The following TMEM131 variants were observed in gnomAD, a reference collection of about 807,000 sequenced individuals.
TMEM131 encodes 2610524E03Rik.
A neutral mutation model predicts 211.6 loss-of-function variants in TMEM131; 66 were observed. The observed-to-expected ratio is 0.31, with a 90% confidence interval of 0.26 to 0.38. The LOEUF is 0.38. TMEM131 is among the 10% of genes least tolerant of loss of function. TMEM131 has a pLI of 1.00. For missense variants in TMEM131, 2,036 were observed against 2,299.3 expected, an observed-to-expected ratio of 0.89 and a Z score of 2.34; for synonymous variants, 844 against 841.3, an observed-to-expected ratio of 1.00 and a Z score of -0.06.
chr2:97,960,324 T>C (rs1374553152), intron 1 of TMEM131, among the ~76,000 whole-genome samples: 1 of 152,232 alleles, frequency 6.6e-6, no homozygotes, highest in African/African-American at 2.4e-5. Context: ...AGGCATTCTT[T>C]GGTAATGTCA....
chr2:97,799,630 T>G (rs1182341769), intron 25 of TMEM131, among the ~76,000 whole-genome samples: 2 of 152,232 alleles, frequency 1.3e-5, no homozygotes, highest in Non-Finnish European at 2.9e-5. Context: ...TTCCCAATAC[T>G]TCAAGAGTTT....
intron 4 of TMEM131, among the ~76,000 whole-genome samples, chr2:97,870,558 A>T (rs1001169257): frequency 6.6e-6 from 1 of 152,170 alleles, no homozygotes; most frequent in African/African-American, 2.4e-5. Flanking sequence ...GAATAGTCTG[A>T]GGCTCAAAAG....
chr2:97,973,033 G>A (rs546975282), intron 1 of TMEM131, among the ~76,000 whole-genome samples: 22 of 152,180 alleles, frequency 1.4e-4, no homozygotes, highest in Non-Finnish European at 2.4e-4. Context: ...CACTACATAC[G>A]GACTTCTGAT....
At position 97,827,134 on chromosome 2, in the gene TMEM131, TA is replaced by T. The variant is rs1682431552; in HGVS notation, c.1074+6230del. 5.9e-6 allele frequency: 3 copies of T among 507,344 alleles called. No individual in the cohort carries two copies. In the Admixed American group the frequency reaches 1.1e-4, roughly 18 times the overall value. The allele number at this position is 507,344 out of a possible 1,614,324, so 31.4% of individuals were successfully genotyped here. On this transcript the variant is annotated intron_variant, in intron 11 of 40. Transcript: ENST00000186436. ...TACAAGGTTTTCAACAAAAGTTTGCTAAAAGTTAACAGTGTTGGGGAGGAGT... is the reference window on the plus strand; with the variant it reads ...TACAAGGTTTTCAACAAAAGTTTGCTAAAGTTAACAGTGTTGGGGAGGAGT...
At chr2:97,853,969 C>G (rs1446795096) in intron 5 of TMEM131, among the ~76,000 whole-genome samples, 1 of 152,158 alleles carries the variant, frequency 6.6e-6, no homozygotes, top group African/African-American at 2.4e-5. Context: ...AACTTAGAGG[C>G]AGGGTTTGAA....
chr2:97,857,829 C>T (rs1673909258), intron 5 of TMEM131, among the ~76,000 whole-genome samples: 1 of 152,122 alleles, frequency 6.6e-6, no homozygotes, highest in African/African-American at 2.4e-5. Context: ...ATACACAGGT[C>T]TCTCACAGCA....
chr2:97,880,782 G>A (rs1360519885), intron 4 of TMEM131, among the ~76,000 whole-genome samples: 1 of 152,154 alleles, frequency 6.6e-6, no homozygotes, highest in Non-Finnish European at 1.5e-5. Context: ...CGCAGAGTTG[G>A]TTGAAATGAG....
Position 97,885,203 on chromosome 2 carries a change from G to A in TMEM131, c.359+2849C>T, listed in dbSNP as rs539613905. 1.2e-3 allele frequency among the ~76,000 whole-genome samples: 186 copies of A among 152,230 alleles called. 1 individual carries two copies. Among genetic ancestry groups the A allele is most frequent in the South Asian group, 1.7e-3 (8 of 4,818 alleles). The stretch of plus-strand genomic sequence containing the variant: ...CCTTCATTTCTCCTTGTTTGTGAAA[G>A]ATTTTTTTTTTTGAGACGGAGTCTC... On this transcript the variant is annotated intron_variant, in intron 4 of 40. Coordinates refer to ENST00000186436, the MANE Select transcript of TMEM131 (RefSeq NM_015348.2).
At chr2:97,978,709 T>C (rs533692090) in intron 1 of TMEM131, among the ~76,000 whole-genome samples, 19 of 152,312 alleles carry the variant, frequency 1.2e-4, no homozygotes, top group African/African-American at 4.6e-4. Flanking sequence ...TTCCACTGTA[T>C]CTGCAGTCAC....
intron 2 of TMEM131, among the ~76,000 whole-genome samples, chr2:97,914,424 T>C (rs1676422412): frequency 2.0e-5 from 3 of 152,258 alleles, no homozygotes; most frequent in Non-Finnish European, 2.9e-5. Context: ...ATGTATTTAG[T>C]TCTACACAAT....
chr2:97,934,155 A>C (rs900330246), intron 1 of TMEM131, among the ~76,000 whole-genome samples: 5 of 152,240 alleles, frequency 3.3e-5, no homozygotes, highest in African/African-American at 1.2e-4. Flanking sequence ...AAAGGTAATA[A>C]GTACATATAG....
chr2:97,890,260 C>A (rs1313170198), intron 3 of TMEM131, among the ~76,000 whole-genome samples: 2 of 152,144 alleles, frequency 1.3e-5, no homozygotes, highest in African/African-American at 4.8e-5. Flanking sequence ...CAAGGAAGTT[C>A]CTGTAGGAGC....
intron 12 of TMEM131, among the ~76,000 whole-genome samples, chr2:97,815,550 G>A (rs899586617): frequency 2.0e-5 from 3 of 152,166 alleles, no homozygotes; most frequent in Non-Finnish European, 4.4e-5. Flanking sequence ...TGGTTCAGGA[G>A]GTAAAACACT....
At position 97,775,926 on chromosome 2, in the gene TMEM131, G is replaced by A; in HGVS notation, c.4237C>T (p.Leu1413=). Residue 1413 remains leucine (L), a synonymous_variant, in exon 32 of 41, where the codon CTG becomes TTG. Transcript: ENST00000186436. Reference sequence around the variant, plus strand: ...TCATCATCAGCCAAAGAGTCCTTCAGCTCATCTTCCTGTGGCTTTCCCTTT... The same window carrying A: ...TCATCATCAGCCAAAGAGTCCTTCAACTCATCTTCCTGTGGCTTTCCCTTT... The part of the protein sequence containing the change: ...KGKGKPQEDE[L]KDSLADDDSS... 6.2e-7 allele frequency: 1 copy of A among 1,613,992 alleles called. No homozygotes were observed. The highest frequency in any genetic ancestry group is 8.5e-7 in the Non-Finnish European group (1 of 1,179,884).
At chr2:97,964,079 C>T (rs1000458205) in intron 1 of TMEM131, among the ~76,000 whole-genome samples, 18 of 152,194 alleles carry the variant, frequency 1.2e-4, no homozygotes, top group African/African-American at 4.1e-4. Flanking sequence ...CAAGCATTCA[C>T]ATTCCTGAAT....
At chr2:97,922,869 C>G (rs1303335238) in intron 2 of TMEM131, among the ~76,000 whole-genome samples, 3 of 151,682 alleles carry the variant, frequency 2.0e-5, no homozygotes, top group Non-Finnish European at 4.4e-5. Flanking sequence ...ATTTAAGCAT[C>G]TATATGTAAA....
Position 97,757,271 on chromosome 2 carries a change from G to A in TMEM131, c.5480C>T (p.Ala1827Val), listed in dbSNP as rs138167613. The change falls in exon 41 of 41, where the codon GCA (alanine) becomes GTA (valine). Residue 1827 changes from alanine (A) to valine (V), a missense_variant. Physicochemically the swap from Ala to Val is moderately conservative, Grantham distance 64. Around this residue, in one of 3 missense-constraint regions of TMEM131, gnomAD observed 1,623 missense variants for 1,805.9 expected, o/e 0.90. Transcript: ENST00000186436. ...LPFTTPANTL[A>V]SIGLMGTENS... Reference sequence around the variant, plus strand: ...TTCTGTGCCCATGAGGCCGATGCTTGCCAGCGTGTTTGCTGGAGTGGTGAA... The same window carrying A: ...TTCTGTGCCCATGAGGCCGATGCTTACCAGCGTGTTTGCTGGAGTGGTGAA... The A allele has an allele frequency of 6.1e-5, 99 of 1,613,958 alleles. No individual in the cohort carries two copies. In the East Asian group the frequency reaches 1.9e-3, roughly 32 times the overall value.
intron 4 of TMEM131, among the ~76,000 whole-genome samples, chr2:97,867,306 T>C (rs1409173730): frequency 6.6e-6 from 1 of 152,244 alleles, no homozygotes; most frequent in Non-Finnish European, 1.5e-5. Flanking sequence ...TACTGTCGCA[T>C]TGTGTATTTC....
chr2:97,830,397 C>T (rs143586836), intron 11 of TMEM131, among the ~76,000 whole-genome samples: 13 of 152,284 alleles, frequency 8.5e-5, no homozygotes, highest in African/African-American at 3.1e-4. Context: ...CGCAAGCTTG[C>T]ATATGTTCTA....
Sources: gnomAD v4.1 joint callset for allele counts (sites outside exome capture counted in the v4.1 genomes callset) on GRCh38, gnomAD v4.1.1 for gene constraint, gnomAD v4.1.1 regional missense constraint, MANE v1.5 for transcripts, NCBI Gene and HGNC (gene_info 2026-07-23, HGNC 2026-07-21) for gene names.